Variants in ITGA1 observed in about 807,000 individuals in gnomAD.
ITGA1 encodes integrin subunit alpha 1, also known as integrin alpha-1.
A neutral mutation model predicts 145.9 loss-of-function variants in ITGA1; 85 were observed. The observed-to-expected ratio is 0.58, with a 90% CI of 0.49 to 0.70. The LOEUF (loss-of-function observed/expected upper bound fraction) is 0.70. ITGA1 is among the 30% of genes least tolerant of loss of function. The pLI, the probability that ITGA1 is intolerant of heterozygous loss-of-function variation, is 0.00. For synonymous variants in ITGA1, 520 were observed against 495.3 expected (o/e 1.05, Z -0.66); for missense variants, 1,351 against 1,418.7 (o/e 0.95, Z 0.77).
At position 52,953,951 on chromosome 5, in the gene ITGA1, AT is replaced by A. The variant is rs1751265810; in HGVS notation, c.*1507del. 9.3e-6 allele frequency: 1 copy of A among 107,336 alleles called. No individual in the cohort carries two copies. The highest frequency in any genetic ancestry group is 2.2e-5 in the Non-Finnish European group (1 of 44,714). The allele number at this position is 107,336 out of a possible 1,614,324, so 6.6% of individuals were successfully genotyped here. A position where few individuals can be genotyped will look rare whatever the true frequency, so the allele number is the denominator to read the frequency against. ...CATAGAAATTAAATGTTATAAATTT[AT>A]TTTTTTAAACTAATTTCCAAAGAAT... On this transcript the variant is annotated 3_prime_UTR_variant, in exon 29 of 29. Transcript: ENST00000282588.
rs942220263 is a variant in ITGA1 at position 52,788,283 on chromosome 5, G to C, written c.-71G>C. On this transcript the variant is annotated 5_prime_UTR_variant, in exon 1 of 29. Coordinates refer to ENST00000282588, the MANE Select transcript of ITGA1 (RefSeq NM_181501.2). ...CAGCGGGATAAGTGGCCCAGCCAGA[G>C]AGCGCAGCTCCCGCGCCCGGTCCTG... The C allele has an allele frequency of 8.1e-7, 1 of 1,238,466 alleles. No homozygotes were observed. The highest frequency in any genetic ancestry group is 1.1e-6 in the Non-Finnish European group (1 of 940,964). The allele number at this position is 1,238,466 out of a possible 1,614,324, so 76.7% of individuals were successfully genotyped here.
At position 52,849,466 on chromosome 5, in the gene ITGA1, G is replaced by GA; in HGVS notation, c.167dup (p.Asn56LysfsTer2). ...GTTTGGATATACTGTTCAACAATAT[G>GA]AAAATGAAGAAGGAAAATGGTAAGC... On this transcript the variant is annotated frameshift_variant, in exon 2 of 29. Transcript: ENST00000282588. LOFTEE classifies it high-confidence loss of function. 6.2e-7 allele frequency: 1 copy of GA among 1,603,282 alleles called. No individual in the cohort carries two copies.
At chr5:52,927,998 T>C (rs1301898647) in intron 20 of ITGA1, among the ~76,000 whole-genome samples, 1 of 152,148 alleles carries the variant, frequency 6.6e-6, no homozygotes, top group Non-Finnish European at 1.5e-5. Context: ...TCAGAACACA[T>C]AGCAGGTGCC....
At chr5:52,945,684 C>T (rs1751124836) in intron 27 of ITGA1, among the ~76,000 whole-genome samples, 1 of 152,112 alleles carries the variant, frequency 6.6e-6, no homozygotes, top group Non-Finnish European at 1.5e-5. Flanking sequence ...AGCATGATCT[C>T]CCCCCTTCTC....
At chr5:52,915,215 C>A (rs1345754160) in intron 14 of ITGA1, among the ~76,000 whole-genome samples, 1 of 152,118 alleles carries the variant, frequency 6.6e-6, no homozygotes, top group African/African-American at 2.4e-5. Flanking sequence ...GACACAATGA[C>A]ACTATATAAT....
At chr5:52,832,963 G>A (rs188958669) in intron 1 of ITGA1, among the ~76,000 whole-genome samples, 4 of 152,104 alleles carry the variant, frequency 2.6e-5, no homozygotes, top group African/African-American at 9.6e-5. Context: ...AAGCCAAGGT[G>A]TGTAGATCAT....
Position 52,824,108 on chromosome 5 carries a change from A to AAT in ITGA1, c.62-25245_62-25244dup, listed in dbSNP as rs935746593. On this transcript the variant is annotated intron_variant, in intron 1 of 28. Coordinates refer to ENST00000282588, the MANE Select transcript of ITGA1 (RefSeq NM_181501.2). ...GATTATGCTTTGTTTCATGACCTTT[A>AAT]ATATATATATATAGTAATCATTAAA... Among the ~76,000 whole-genome samples, 380 of 151,354 alleles carry AAT rather than the reference A, an allele frequency of 2.5e-3. 2 individuals carry two copies. The highest frequency in any genetic ancestry group is 8.1e-3 in the African/African-American group (336 of 41,282).
intron 2 of ITGA1, among the ~76,000 whole-genome samples, chr5:52,858,296 C>CT (rs570970987): frequency 6.6e-6 from 1 of 152,186 alleles, no homozygotes; most frequent in South Asian, 2.1e-4. Context: ...GATCTGGACT[C>CT]TTTTTACCTC....
At chr5:52,797,896 G>A (rs1192414513) in intron 1 of ITGA1, among the ~76,000 whole-genome samples, 1 of 152,176 alleles carries the variant, frequency 6.6e-6, no homozygotes, top group Non-Finnish European at 1.5e-5. Flanking sequence ...CTTTTGTTAA[G>A]ATCCCACTGT....
chr5:52,926,128 T>C (rs1368947253), intron 19 of ITGA1, among the ~76,000 whole-genome samples: 2 of 152,110 alleles, frequency 1.3e-5, no homozygotes, highest in South Asian at 2.1e-4. Context: ...ATACAATTTA[T>C]ATTAAAAGCA....
At chr5:52,844,075 T>C (rs1216519583) in intron 1 of ITGA1, among the ~76,000 whole-genome samples, 1 of 152,182 alleles carries the variant, frequency 6.6e-6, no homozygotes, top group Non-Finnish European at 1.5e-5. Context: ...TTGCTCACAA[T>C]TTCTTTTTAT....
chr5:52,951,332 A>G (rs1751215907), intron 28 of ITGA1, among the ~76,000 whole-genome samples: 1 of 152,086 alleles, frequency 6.6e-6, no homozygotes, highest in East Asian at 1.9e-4. Flanking sequence ...TATGACCCTT[A>G]ATTTTCTTTT....
At position 52,861,430 on chromosome 5, in the gene ITGA1, A is replaced by C; in HGVS notation, c.183-17A>C. 6.7e-7 allele frequency: 1 copy of C among 1,501,428 alleles called. No individual in the cohort carries two copies. Among genetic ancestry groups the C allele is most frequent in the Non-Finnish European group, 9.2e-7 (1 of 1,082,338 alleles). 93.0% of individuals were successfully genotyped at this position (1,501,428 alleles called of 1,614,324 possible). A position where few individuals can be genotyped will look rare whatever the true frequency, so the allele number is the denominator to read the frequency against. On this transcript the variant is annotated splice_polypyrimidine_tract_variant and intron_variant, in intron 2 of 28. Coordinates refer to ENST00000282588, the MANE Select transcript of ITGA1 (RefSeq NM_181501.2). ...TCTCAATGTTCAAAAATGTTTACTG[A>C]TTTATTTAACTTCCAGGGTGCTTAT...
chr5:52,952,542 CA>C lies in ITGA1; in HGVS notation c.*92del. 3.7e-6 allele frequency: 2 copies of C among 546,166 alleles called. No homozygotes were observed. Among genetic ancestry groups the C allele is most frequent in the Non-Finnish European group, 6.3e-6 (2 of 314,988 alleles). 33.8% of individuals were successfully genotyped at this position (546,166 alleles called of 1,614,324 possible). A position where few individuals can be genotyped will look rare whatever the true frequency, so the allele number is the denominator to read the frequency against. The stretch of plus-strand genomic sequence containing the variant: ...GTGACAAGAAATGTATAATTCATGA[CA>C]TAGTCATGTAACTATGTAATCCATC... On this transcript the variant is annotated 3_prime_UTR_variant, in exon 29 of 29. Coordinates refer to ENST00000282588, the MANE Select transcript of ITGA1 (RefSeq NM_181501.2).
At chr5:52,947,700 CA>C (rs1164888417) in intron 28 of ITGA1, among the ~76,000 whole-genome samples, 1 of 152,092 alleles carries the variant, frequency 6.6e-6, no homozygotes, top group East Asian at 1.9e-4. Flanking sequence ...CAAAAATTCA[CA>C]AAAGTATCTT....
intron 21 of ITGA1, chr5:52,931,607 G>A (rs937697375): frequency 1.3e-5 from 2 of 152,734 alleles, no homozygotes; most frequent in African/African-American, 2.4e-5. Flanking sequence ...TCTCAGCTGT[G>A]TGACCCTAAT....
rs770012701 is a variant in ITGA1 at position 52,925,262 on chromosome 5, C to T, written c.2404-16C>T. 3.7e-6 allele frequency: 6 copies of T among 1,603,018 alleles called. No homozygotes were observed. Among genetic ancestry groups the T allele is most frequent in the Non-Finnish European group, 1.7e-6 (2 of 1,170,310 alleles). On this transcript the variant is annotated splice_polypyrimidine_tract_variant and intron_variant, in intron 18 of 28. Transcript: ENST00000282588. ...GTAGCTAAATTTTGAAAAATTCTTT[C>T]CTGTCATCATTTCAGATTCCCTTTG...
Position 52,800,110 on chromosome 5 carries a change from C to T in ITGA1, c.61+11696C>T, listed in dbSNP as rs149631974. The T allele has an allele frequency of 2.2e-3, 871 of 391,194 alleles. 9 individuals are homozygous for T. The highest frequency in any genetic ancestry group is 0.016 in the African/African-American group (785 of 48,238). 24.2% of individuals were successfully genotyped at this position (391,194 alleles called of 1,614,324 possible). A position where few individuals can be genotyped will look rare whatever the true frequency, so the allele number is the denominator to read the frequency against. ...CATGCGCCTTCATTTCGTCAGCCCGCTGTTGCGTGCTGCCAGCGGGAACTG... is the reference window on the plus strand; with the variant it reads ...CATGCGCCTTCATTTCGTCAGCCCGTTGTTGCGTGCTGCCAGCGGGAACTG... On this transcript the variant is annotated intron_variant, in intron 1 of 28. Coordinates refer to ENST00000282588, the MANE Select transcript of ITGA1 (RefSeq NM_181501.2).
chr5:52,930,676 T>C (rs1391478085), intron 21 of ITGA1, among the ~76,000 whole-genome samples: 1 of 152,092 alleles, frequency 6.6e-6, no homozygotes, highest in African/African-American at 2.4e-5. Flanking sequence ...GTAGATAGCA[T>C]TTCACAGAGA....
Sources: allele counts gnomAD v4.1 joint callset (sites outside exome capture counted in the v4.1 genomes callset), GRCh38; gene constraint gnomAD v4.1.1; transcripts MANE v1.5; gene names NCBI Gene and HGNC (gene_info 2026-07-23, HGNC 2026-07-21).